SLC44A1: variants seen among roughly 807,000 people sequenced by gnomAD.
SLC44A1 encodes choline transporter-like protein 1.
Under a neutral mutation model 79.3 loss-of-function variants are expected in SLC44A1, and 26 were observed. That is an observed-to-expected ratio of 0.33 (90% confidence interval 0.24 to 0.46). SLC44A1 has a LOEUF of 0.46. Among genes scored for constraint, SLC44A1 ranks in the 20% least tolerant of loss-of-function variants. The probability of loss-of-function intolerance (pLI) is 1.00; values close to 1 mark genes in which losing one functional copy is unlikely to be tolerated. For synonymous variants in SLC44A1, 263 were observed against 286.2 expected (o/e 0.92, Z 0.82); for missense variants, 688 against 798.1 (o/e 0.86, Z 1.66).
chr9:105,390,926 T>G lies in SLC44A1; in HGVS notation c.*1870T>G. 1 of 979,630 alleles carries G rather than the reference T, an allele frequency of 1.0e-6. No homozygotes were observed. Among genetic ancestry groups the G allele is most frequent in the Non-Finnish European group, 1.2e-6 (1 of 824,296 alleles). 60.7% of individuals were successfully genotyped at this position (979,630 alleles called of 1,614,324 possible). ...CACCAAACAGTATCGCTGTTCTCTT[T>G]TATTCATTTGAAATGAATATAATTA... On this transcript the variant is annotated 3_prime_UTR_variant, in exon 16 of 16. Coordinates refer to ENST00000374720, the MANE Select transcript of SLC44A1 (RefSeq NM_080546.5).
intron 8 of SLC44A1, among the ~76,000 whole-genome samples, chr9:105,362,597 G>T (rs768938601): frequency 1.3e-5 from 2 of 152,164 alleles, no homozygotes; most frequent in African/African-American, 4.8e-5. Context: ...GTATTAATAA[G>T]TTGAGAAATC....
chr9:105,379,543 C>T (rs1273526035), intron 13 of SLC44A1, among the ~76,000 whole-genome samples: 1 of 152,012 alleles, frequency 6.6e-6, no homozygotes, highest in Non-Finnish European at 1.5e-5. Context: ...TGTGAATTCA[C>T]AATTACCTCT....
intron 1 of SLC44A1, among the ~76,000 whole-genome samples, chr9:105,254,408 C>T (rs1246107462): frequency 1.3e-5 from 2 of 152,142 alleles, no homozygotes; most frequent in African/African-American, 4.8e-5. Flanking sequence ...TTTAGAGTAA[C>T]CAGGACTTCC....
At chr9:105,408,619 C>A (rs1829058758) in intron 15 of SLC44A1, among the ~76,000 whole-genome samples, 1 of 152,194 alleles carries the variant, frequency 6.6e-6, no homozygotes, top group Non-Finnish European at 1.5e-5. Context: ...CCATGTTGCC[C>A]AGGCTGGTCT....
At chr9:105,386,978 G>T (rs1828642632) in intron 15 of SLC44A1, among the ~76,000 whole-genome samples, 2 of 141,470 alleles carry the variant, frequency 1.4e-5, no homozygotes, top group Admixed American at 1.5e-4. Flanking sequence ...GGCAGAGGTT[G>T]CAGTGAGCCA....
At chr9:105,335,786 C>T in intron 4 of SLC44A1, 87 bp downstream of exon 4, 1 of 1,228,426 alleles carries the variant, frequency 8.1e-7, no homozygotes, top group Non-Finnish European at 1.1e-6. Context: ...AATAAATTAT[C>T]AAGGAACCTT....
rs1828762069 is a variant in SLC44A1 at position 105,391,533 on chromosome 9, CAG to C, written c.*2483_*2484del. The C allele has an allele frequency of 2.0e-6, 2 of 985,432 alleles. No homozygotes were observed. The highest frequency in any genetic ancestry group is 2.4e-6 in the Non-Finnish European group (2 of 829,818). The allele number at this position is 985,432 out of a possible 1,614,324, so 61.0% of individuals were successfully genotyped here. A position where few individuals can be genotyped will look rare whatever the true frequency, so the allele number is the denominator to read the frequency against. ...CAGATATGCATTACACAGGCACACA[CAG>C]AGAGATATTTAATATGTGGAATATC... On this transcript the variant is annotated 3_prime_UTR_variant, in exon 16 of 16. Transcript: ENST00000374720.
At chr9:105,382,809 G>A (rs1828511230) in intron 13 of SLC44A1, among the ~76,000 whole-genome samples, 1 of 152,014 alleles carries the variant, frequency 6.6e-6, no homozygotes, top group Non-Finnish European at 1.5e-5. Flanking sequence ...TCTAAAATAT[G>A]CATACATTTA....
intron 15 of SLC44A1, among the ~76,000 whole-genome samples, chr9:105,405,045 C>T (rs989289918): frequency 1.3e-5 from 2 of 152,032 alleles, no homozygotes; most frequent in African/African-American, 4.8e-5. Flanking sequence ...GGTGGCTAGG[C>T]GCGGTGGCTC....
intron 4 of SLC44A1, among the ~76,000 whole-genome samples, chr9:105,342,580 C>T (rs916254911): frequency 6.6e-6 from 1 of 152,124 alleles, no homozygotes; most frequent in African/African-American, 2.4e-5. Flanking sequence ...ACAATGCCTG[C>T]TCAGACAGTT....
At chr9:105,330,045 T>C (rs1810183250) in intron 3 of SLC44A1, among the ~76,000 whole-genome samples, 1 of 152,230 alleles carries the variant, frequency 6.6e-6, no homozygotes, top group African/African-American at 2.4e-5. Context: ...TTTTATGAAT[T>C]TGGTATCCAA....
intron 1 of SLC44A1, among the ~76,000 whole-genome samples, chr9:105,252,748 T>C (rs1319012124): frequency 6.6e-6 from 1 of 152,262 alleles, no homozygotes. Context: ...GACATTGTTA[T>C]CTCTGCTGTG....
chr9:105,301,682 CTT>C (rs1830884601), intron 2 of SLC44A1, among the ~76,000 whole-genome samples: 1 of 152,130 alleles, frequency 6.6e-6, no homozygotes, highest in South Asian at 2.1e-4. Flanking sequence ...CTGTATGTAT[CTT>C]TTAAATTTTT....
intron 1 of SLC44A1, among the ~76,000 whole-genome samples, chr9:105,280,993 C>T (rs1830337231): frequency 6.6e-6 from 1 of 152,136 alleles, no homozygotes; most frequent in African/African-American, 2.4e-5. Flanking sequence ...TTAAGATCAC[C>T]CAGCCCACCG....
chr9:105,327,269 TG>T (rs1826607416), intron 3 of SLC44A1, among the ~76,000 whole-genome samples: 1 of 152,138 alleles, frequency 6.6e-6, no homozygotes, highest in Non-Finnish European at 1.5e-5. Flanking sequence ...GTCTTTAAGA[TG>T]AACTCCAGAC....
At chr9:105,383,078 T>C (rs757489568) in intron 13 of SLC44A1, 45 bp from the exon 14 acceptor site, 2 of 1,388,660 alleles carry the variant, frequency 1.4e-6, no homozygotes, top group South Asian at 2.4e-5. Flanking sequence ...AGAGTGGCTT[T>C]CTTCAGTAGG....
intron 3 of SLC44A1, among the ~76,000 whole-genome samples, chr9:105,326,527 C>G (rs181400379): frequency 6.6e-6 from 1 of 152,186 alleles, no homozygotes; most frequent in Non-Finnish European, 1.5e-5. Context: ...AGTCTTCCCC[C>G]GTGCTTTTCC....
At chr9:105,416,995 A>G (rs183931919) in intron 15 of SLC44A1, among the ~76,000 whole-genome samples, 4 of 152,336 alleles carry the variant, frequency 2.6e-5, no homozygotes, top group African/African-American at 9.6e-5. Context: ...TGGTAATTAC[A>G]TTTGACCTGT....
Position 105,389,753 on chromosome 9 carries a change from A to C in SLC44A1, c.*697A>C. On this transcript the variant is annotated 3_prime_UTR_variant, in exon 16 of 16. Coordinates refer to ENST00000374720, the MANE Select transcript of SLC44A1 (RefSeq NM_080546.5). Reference sequence around the variant, plus strand: ...TAGGTAAAAAAAGAAAAGGGTAGATAATCTTTCGTATGCAAACTTTTCCCT... The same window carrying C: ...TAGGTAAAAAAAGAAAAGGGTAGATCATCTTTCGTATGCAAACTTTTCCCT... 1 of 1,300,876 alleles carries C rather than the reference A, an allele frequency of 7.7e-7. No individual in the cohort carries two copies. Among genetic ancestry groups the C allele is most frequent in the Non-Finnish European group, 9.8e-7 (1 of 1,019,508 alleles). The allele number at this position is 1,300,876 out of a possible 1,614,324, so 80.6% of individuals were successfully genotyped here. A position where few individuals can be genotyped will look rare whatever the true frequency, so the allele number is the denominator to read the frequency against.
Sources: gnomAD v4.1 joint callset for allele counts (sites outside exome capture counted in the v4.1 genomes callset) on GRCh38, gnomAD v4.1.1 for gene constraint, MANE v1.5 for transcripts, NCBI Gene and HGNC (gene_info 2026-07-23, HGNC 2026-07-21) for gene names.